DCDC1: variants seen among roughly 807,000 people sequenced by gnomAD.
The protein encoded by DCDC1 is doublecortin domain containing 1.
Under a neutral mutation model 178.3 loss-of-function variants are expected in DCDC1, and 200 were observed. The ratio of observed to expected loss-of-function variants is 1.12; its 90% CI spans 1.00 to 1.26. The LOEUF is 1.26. Ranked by LOEUF, DCDC1 falls within the 50% of genes most tolerant of loss-of-function variation. The pLI, the probability that DCDC1 is intolerant of heterozygous loss-of-function variation, is 0.00. For synonymous variants in DCDC1, 690 were observed against 604.8 expected, an observed-to-expected ratio of 1.14 and a Z score of -2.07; for missense variants, 1,983 against 1,749.2, an observed-to-expected ratio of 1.13 and a Z score of -2.38.
chr11:31,315,673 A>T (rs1949060093), intron 3 of DCDC1, among the ~76,000 whole-genome samples: 1 of 95,892 alleles, frequency 1.0e-5, no homozygotes, highest in East Asian at 2.8e-4. Context: ...TTTTTATTAA[A>T]CTCTAAGTTT....
chr11:31,082,109 TAAC>T (rs1305682551), intron 17 of DCDC1, among the ~76,000 whole-genome samples: 1 of 152,030 alleles, frequency 6.6e-6, no homozygotes, highest in African/African-American at 2.4e-5. Context: ...AAACAAAAAA[TAAC>T]AACGACATCA....
chr11:31,265,286 A>C (rs895095875), intron 8 of DCDC1, among the ~76,000 whole-genome samples: 3 of 152,144 alleles, frequency 2.0e-5, no homozygotes, highest in Admixed American at 1.3e-4. Context: ...TAAGGTTAAA[A>C]TACCCATCAA....
At chr11:31,236,702 A>C (rs1267925160) in intron 9 of DCDC1, among the ~76,000 whole-genome samples, 1 of 152,040 alleles carries the variant, frequency 6.6e-6, no homozygotes, top group Non-Finnish European at 1.5e-5. Context: ...TTCTAAAAAA[A>C]ATTACTTACC....
intron 7 of DCDC1, among the ~76,000 whole-genome samples, chr11:31,279,264 A>G (rs1039440529): frequency 5.9e-5 from 9 of 151,478 alleles, no homozygotes; most frequent in South Asian, 2.1e-4. Context: ...GTGTGTGTGT[A>G]TATCTCCTCT....
intron 7 of DCDC1, among the ~76,000 whole-genome samples, chr11:31,269,519 G>C (rs1945402363): frequency 6.6e-6 from 1 of 151,844 alleles, no homozygotes; most frequent in African/African-American, 2.4e-5. Flanking sequence ...CCAAGCAGGT[G>C]AGACAACAGG....
chr11:31,166,764 C>T (rs1322237856), intron 9 of DCDC1, among the ~76,000 whole-genome samples: 1 of 152,130 alleles, frequency 6.6e-6, no homozygotes, highest in Non-Finnish European at 1.5e-5. Flanking sequence ...GTGAATTTCC[C>T]AACCATTTTT....
chr11:31,059,123 C>T lies in DCDC1; in HGVS notation c.2591+5346G>A, dbSNP rs529507396. ...GGTACCTCACAGCAGCAAACAAAAA[C>T]AAAAAATAATCATAAAATGCTTACT... is the stretch of plus-strand genomic sequence containing the variant. On this transcript the variant is annotated intron_variant, in intron 20 of 38. Transcript: ENST00000684477. 1.8e-4 allele frequency among the ~76,000 whole-genome samples: 28 copies of T among 152,024 alleles called. 1 individual carries two copies. The South Asian group carries it at 5.6e-3, about 30-fold the overall frequency.
chr11:30,940,112 T>G (rs1461857891), intron 21 of DCDC1, among the ~76,000 whole-genome samples: 1 of 152,216 alleles, frequency 6.6e-6, no homozygotes, highest in Non-Finnish European at 1.5e-5. Context: ...ATATCTTTTA[T>G]TCTTGAAACT....
chr11:30,954,376 G>C (rs541087458), intron 20 of DCDC1, among the ~76,000 whole-genome samples: 30 of 152,210 alleles, frequency 2.0e-4, no homozygotes, highest in African/African-American at 7.0e-4. Context: ...ATTTGAAATA[G>C]AAAATACTAA....
chr11:30,930,634 G>GT (rs1357899719), intron 22 of DCDC1, among the ~76,000 whole-genome samples: 2 of 152,048 alleles, frequency 1.3e-5, no homozygotes, highest in African/African-American at 4.8e-5. Context: ...CTTAAAATTT[G>GT]TTCGGATTAC....
intron 11 of DCDC1, among the ~76,000 whole-genome samples, chr11:31,117,705 C>A (rs1289374039): frequency 1.7e-4 from 25 of 146,690 alleles, no homozygotes; most frequent in African/African-American, 1.5e-4. Context: ...TATGTTTCTG[C>A]AAAAAAAAAA....
chr11:30,917,866 A>G (rs1945962569), intron 25 of DCDC1, among the ~76,000 whole-genome samples: 1 of 152,246 alleles, frequency 6.6e-6, no homozygotes, highest in African/African-American at 2.4e-5. Context: ...TGTAACTACA[A>G]GCATTATTAA....
At chr11:31,086,930 CTT>C (rs1343067385) in intron 17 of DCDC1, among the ~76,000 whole-genome samples, 1 of 151,916 alleles carries the variant, frequency 6.6e-6, no homozygotes, top group Non-Finnish European at 1.5e-5. Flanking sequence ...CTTCTTATTT[CTT>C]TTCTGGATAA....
At chr11:31,173,338 T>C (rs943995239) in intron 9 of DCDC1, among the ~76,000 whole-genome samples, 1 of 152,202 alleles carries the variant, frequency 6.6e-6, no homozygotes, top group African/African-American at 2.4e-5. Context: ...ATTATTTACA[T>C]TGCATTTATA....
At chr11:31,299,468 C>T (rs927915844) in intron 6 of DCDC1, among the ~76,000 whole-genome samples, 2 of 152,010 alleles carry the variant, frequency 1.3e-5, no homozygotes, top group Admixed American at 6.6e-5. Flanking sequence ...TTTTAAAATA[C>T]AACTTTTGGA....
At chr11:31,190,799 A>G (rs1470476443) in intron 9 of DCDC1, among the ~76,000 whole-genome samples, 1 of 152,094 alleles carries the variant, frequency 6.6e-6, no homozygotes, top group Non-Finnish European at 1.5e-5. Context: ...ACATTACTTA[A>G]TATTTTAATG....
At chr11:31,132,960 G>A (rs1275254887) in intron 10 of DCDC1, among the ~76,000 whole-genome samples, 1 of 152,266 alleles carries the variant, frequency 6.6e-6, no homozygotes, top group East Asian at 1.9e-4. Flanking sequence ...ATACAGACAG[G>A]TTTTTGCATA....
At chr11:30,918,506 G>C (rs1330204518) in intron 25 of DCDC1, among the ~76,000 whole-genome samples, 1 of 152,164 alleles carries the variant, frequency 6.6e-6, no homozygotes, top group Non-Finnish European at 1.5e-5. Flanking sequence ...ATATTGTAAT[G>C]GAAATTGACT....
Position 30,922,525 on chromosome 11 carries a change from G to A in DCDC1, c.3111C>T (p.Phe1037=). Reference sequence around the variant, plus strand: ...TACCTTCTATTTTATGTGTGCTGCAGAAGATTTGAATTTTGGCAATGTCTG... The same window carrying A: ...TACCTTCTATTTTATGTGTGCTGCAAAAGATTTGAATTTTGGCAATGTCTG... ...LESDIAKIQI[F]CSTHKIEALV... is the part of the protein sequence containing the mutation. The change falls in exon 24 of 39, where the codon TTC becomes TTT. Residue 1037 remains phenylalanine, a synonymous_variant. Coordinates refer to ENST00000684477, the MANE Select transcript of DCDC1 (RefSeq NM_001387274.1). The A allele has an allele frequency of 6.4e-7, 1 of 1,569,050 alleles. No individual in the cohort carries two copies. Among genetic ancestry groups the A allele is most frequent in the Non-Finnish European group, 8.6e-7 (1 of 1,164,586 alleles).
Sources: gnomAD v4.1 joint callset for allele counts (sites outside exome capture counted in the v4.1 genomes callset) on GRCh38, gnomAD v4.1.1 for gene constraint, MANE v1.5 for transcripts, NCBI Gene and HGNC (gene_info 2026-07-23, HGNC 2026-07-21) for gene names.